The following LSAMP variants were observed in gnomAD, a reference collection of about 807,000 sequenced individuals.
LSAMP encodes limbic system-associated membrane protein.
Under a neutral mutation model 38.6 loss-of-function variants are expected in LSAMP, and 7 were observed. The ratio of observed to expected loss-of-function variants is 0.18; its 90% confidence interval spans 0.10 to 0.34. The LOEUF is 0.34. Among genes scored for constraint, LSAMP ranks in the 10% least tolerant of loss-of-function variants. The pLI is 1.00. For synonymous variants in LSAMP, 154 were observed against 166.8 expected (o/e 0.92, Z 0.59); for missense variants, 313 against 420.0 (o/e 0.75, Z 2.23).
intron 2 of LSAMP, among the ~76,000 whole-genome samples, chr3:116,068,075 G>T (rs1435935107): frequency 6.6e-6 from 1 of 152,164 alleles, no homozygotes; most frequent in African/African-American, 2.4e-5. Flanking sequence ...ACGAGGGGAT[G>T]AATAAGAAAT....
intron 1 of LSAMP, among the ~76,000 whole-genome samples, chr3:116,223,838 G>T (rs2046314853): frequency 1.3e-5 from 2 of 152,118 alleles, no homozygotes; most frequent in African/African-American, 2.4e-5. Flanking sequence ...CCTGAGGTCT[G>T]ACCCTTTATG....
chr3:116,014,272 T>G (rs1200836493), intron 3 of LSAMP, among the ~76,000 whole-genome samples: 2 of 152,166 alleles, frequency 1.3e-5, no homozygotes, highest in Non-Finnish European at 2.9e-5. Context: ...AAGGACCATG[T>G]CTGTCTTGCT....
chr3:116,175,810 G>A, intron 1 of LSAMP, among the ~76,000 whole-genome samples: 1 of 152,040 alleles, frequency 6.6e-6, no homozygotes, highest in Non-Finnish European at 1.5e-5. Flanking sequence ...ATGCTAAGAA[G>A]CAGAGCCAAA....
chr3:116,217,887 C>T (rs2046239721), intron 1 of LSAMP, among the ~76,000 whole-genome samples: 1 of 152,134 alleles, frequency 6.6e-6, no homozygotes, highest in African/African-American at 2.4e-5. Flanking sequence ...GGGCTCCTAC[C>T]TCAGGCCATA....
At position 116,291,436 on chromosome 3, in the gene LSAMP, G is replaced by A. The variant is rs138061658; in HGVS notation, c.155+153441C>T. ...ACCTTGGGCAAGACGCTTAACCTCC[G>A]TGGGTTTCGGTATCTTCACCTGCAA... On this transcript the variant is annotated intron_variant, in intron 1 of 6. Transcript: ENST00000490035. 4.3e-3 allele frequency among the ~76,000 whole-genome samples: 660 copies of A among 152,260 alleles called. 4 individuals carry two copies. The highest frequency in any genetic ancestry group is 6.2e-3 in the Non-Finnish European group (420 of 68,012).
intron 6 of LSAMP, among the ~76,000 whole-genome samples, chr3:115,820,899 C>T (rs1934207544): frequency 1.3e-5 from 2 of 152,138 alleles, no homozygotes; most frequent in South Asian, 4.1e-4. Flanking sequence ...ATTTGAAGAG[C>T]CAATGGGGCC....
intron 6 of LSAMP, among the ~76,000 whole-genome samples, chr3:115,812,584 TC>T (rs1933873610): frequency 6.6e-6 from 1 of 152,182 alleles, no homozygotes; most frequent in African/African-American, 2.4e-5. Flanking sequence ...AACCTTTTAG[TC>T]TTTCTATGTA....
intron 1 of LSAMP, among the ~76,000 whole-genome samples, chr3:116,295,285 C>G (rs1470016691): frequency 1.3e-5 from 2 of 152,150 alleles, no homozygotes; most frequent in African/African-American, 2.4e-5. Context: ...TTTCTATTTT[C>G]TATCTGCAAG....
chr3:115,944,761 C>T (rs929590013), intron 3 of LSAMP, among the ~76,000 whole-genome samples: 2 of 152,126 alleles, frequency 1.3e-5, no homozygotes, highest in Admixed American at 1.3e-4. Flanking sequence ...TTAGAGGTGG[C>T]TGAGCTAGAA....
chr3:116,109,616 C>T (rs1708552122), intron 1 of LSAMP, among the ~76,000 whole-genome samples: 1 of 152,142 alleles, frequency 6.6e-6, no homozygotes, highest in Admixed American at 6.6e-5. Context: ...GTGCCGTTTT[C>T]TGGCTATTTG....
At chr3:116,172,842 T>C (rs951733637) in intron 1 of LSAMP, among the ~76,000 whole-genome samples, 1 of 151,982 alleles carries the variant, frequency 6.6e-6, no homozygotes, top group Non-Finnish European at 1.5e-5. Flanking sequence ...GGTTCACTTA[T>C]ATTGGCATTG....
chr3:116,292,039 G>A (rs749480344), intron 1 of LSAMP, among the ~76,000 whole-genome samples: 4 of 152,044 alleles, frequency 2.6e-5, no homozygotes, highest in African/African-American at 4.8e-5. Context: ...GGTACCACTC[G>A]CAAAAGATGT....
intron 1 of LSAMP, among the ~76,000 whole-genome samples, chr3:116,109,075 C>T (rs943737847): frequency 7.2e-5 from 11 of 152,228 alleles, no homozygotes; most frequent in Non-Finnish European, 1.0e-4. Context: ...GGCTGTAAAG[C>T]ATCTCAGGGT....
chr3:115,982,030 T>C (rs913704276), intron 3 of LSAMP, among the ~76,000 whole-genome samples: 3 of 152,226 alleles, frequency 2.0e-5, no homozygotes, highest in South Asian at 2.1e-4. Flanking sequence ...TTGGTCAAAA[T>C]GTTTTTCTTT....
At chr3:115,992,599 T>C (rs1000066071) in intron 3 of LSAMP, among the ~76,000 whole-genome samples, 3 of 152,204 alleles carry the variant, frequency 2.0e-5, no homozygotes, top group Non-Finnish European at 2.9e-5. Context: ...GTAAGATTCA[T>C]TACACAAACT....
At chr3:115,872,641 C>G (rs775917996) in intron 3 of LSAMP, among the ~76,000 whole-genome samples, 2 of 151,782 alleles carry the variant, frequency 1.3e-5, no homozygotes, top group Non-Finnish European at 1.5e-5. Context: ...AATACAGAAA[C>G]AAAGAGGAAA....
chr3:116,004,780 C>T (rs1344861420), intron 3 of LSAMP, among the ~76,000 whole-genome samples: 1 of 152,058 alleles, frequency 6.6e-6, no homozygotes, highest in Non-Finnish European at 1.5e-5. Context: ...AGATTTTGCT[C>T]TTCTGATAAA....
Position 115,931,920 on chromosome 3 carries a change from C to T in LSAMP, c.515-79303G>A, listed in dbSNP as rs945099195. 3.3e-5 allele frequency among the ~76,000 whole-genome samples: 5 copies of T among 152,244 alleles called. No individual in the cohort carries two copies. In the South Asian group the frequency reaches 6.2e-4, roughly 19 times the overall value. ...CTGTCTTCAAAATATATAAGCCCAA[C>T]CCTCTGATACAGCAAACAATAGATA... On this transcript the variant is annotated intron_variant, in intron 3 of 6. Transcript: ENST00000490035.
chr3:116,041,752 G>A (rs375983572), intron 2 of LSAMP, among the ~76,000 whole-genome samples: 10 of 144,640 alleles, frequency 6.9e-5, no homozygotes, highest in African/African-American at 1.8e-4. Flanking sequence ...AGGAAGCAAA[G>A]TCATACATAT....
Sources: gnomAD v4.1 joint callset for allele counts (sites outside exome capture counted in the v4.1 genomes callset) on GRCh38, gnomAD v4.1.1 for gene constraint, MANE v1.5 for transcripts, NCBI Gene and HGNC (gene_info 2026-07-23, HGNC 2026-07-21) for gene names.